The following TMEM131 variants were observed in gnomAD, a reference collection of about 807,000 sequenced individuals.
TMEM131 encodes the protein transmembrane protein 131.
A neutral mutation model predicts 211.6 loss-of-function variants in TMEM131; 66 were observed. The observed-to-expected ratio is 0.31, with a 90% CI of 0.26 to 0.38. The LOEUF (loss-of-function observed/expected upper bound fraction) is 0.38. TMEM131 is among the 10% of genes least tolerant of loss of function. The pLI is 1.00. For missense variants in TMEM131, 2,036 were observed against 2,299.3 expected, an observed-to-expected ratio of 0.89 and a Z score of 2.34; for synonymous variants, 844 against 841.3, an observed-to-expected ratio of 1.00 and a Z score of -0.06.
chr2:97,899,452 A>C (rs1675756941), intron 3 of TMEM131, among the ~76,000 whole-genome samples: 1 of 152,184 alleles, frequency 6.6e-6, no homozygotes, highest in African/African-American at 2.4e-5. Flanking sequence ...CAACATCAAG[A>C]GACAAATATA....
chr2:97,807,440 T>TC (rs1341158318), intron 19 of TMEM131, among the ~76,000 whole-genome samples: 1 of 152,160 alleles, frequency 6.6e-6, no homozygotes, highest in African/African-American at 2.4e-5. Context: ...GCCTGGCACC[T>TC]CCCTCTCTTC....
At chr2:97,798,869 C>T (rs1002970661) in intron 25 of TMEM131, among the ~76,000 whole-genome samples, 1 of 152,184 alleles carries the variant, frequency 6.6e-6, no homozygotes, top group Non-Finnish European at 1.5e-5. Flanking sequence ...TTTAAATCAA[C>T]TACTCTGATT....
chr2:97,953,729 C>T (rs550707132), intron 1 of TMEM131, among the ~76,000 whole-genome samples: 3 of 152,248 alleles, frequency 2.0e-5, no homozygotes, highest in Non-Finnish European at 2.9e-5. Context: ...TACCGTGGAC[C>T]ATGCACCAGG....
intron 1 of TMEM131, among the ~76,000 whole-genome samples, chr2:97,946,547 A>G (rs1678053089): frequency 1.3e-5 from 2 of 152,060 alleles, no homozygotes; most frequent in Non-Finnish European, 2.9e-5. Context: ...ACAAAAAACT[A>G]GCTAACTTGA....
intron 1 of TMEM131, among the ~76,000 whole-genome samples, chr2:97,981,540 T>G (rs956866447): frequency 6.6e-6 from 1 of 152,192 alleles, no homozygotes; most frequent in Non-Finnish European, 1.5e-5. Context: ...AGAAATGGTA[T>G]CTCATTTAGG....
intron 2 of TMEM131, among the ~76,000 whole-genome samples, chr2:97,910,138 T>C (rs991404651): frequency 6.6e-6 from 1 of 152,144 alleles, no homozygotes; most frequent in African/African-American, 2.4e-5. Flanking sequence ...TCAACATCAC[T>C]AACCATTAGG....
chr2:97,924,827 C>T (rs949447933), intron 2 of TMEM131, among the ~76,000 whole-genome samples: 70 of 152,258 alleles, frequency 4.6e-4, no homozygotes, highest in African/African-American at 1.5e-3. Flanking sequence ...GGACTCTCAA[C>T]CCCCCTTTAA....
chr2:97,979,541 G>C (rs886510184), intron 1 of TMEM131, among the ~76,000 whole-genome samples: 1 of 152,218 alleles, frequency 6.6e-6, no homozygotes, highest in African/African-American at 2.4e-5. Flanking sequence ...TTTATGTGAT[G>C]AAACTGTCTT....
intron 5 of TMEM131, among the ~76,000 whole-genome samples, chr2:97,856,487 T>C (rs1477865682): frequency 6.6e-6 from 1 of 152,154 alleles, no homozygotes. Flanking sequence ...TGAACAATAA[T>C]TAAAAAATAG....
chr2:97,857,587 C>T (rs1675171813), intron 5 of TMEM131, among the ~76,000 whole-genome samples: 1 of 152,172 alleles, frequency 6.6e-6, no homozygotes, highest in Non-Finnish European at 1.5e-5. Flanking sequence ...TTTTACTTCA[C>T]AATTTTGCCC....
chr2:97,951,708 C>A (rs1573606729), intron 1 of TMEM131, among the ~76,000 whole-genome samples: 1 of 152,136 alleles, frequency 6.6e-6, no homozygotes, highest in Non-Finnish European at 1.5e-5. Flanking sequence ...CACAAACACG[C>A]ATACACACCA....
At chr2:97,954,137 G>A (rs1573610276) in intron 1 of TMEM131, among the ~76,000 whole-genome samples, 1 of 152,022 alleles carries the variant, frequency 6.6e-6, no homozygotes, top group Non-Finnish European at 1.5e-5. Context: ...TAAATTCAAA[G>A]CAAGTAGAAT....
rs548751606 is a variant in TMEM131, at chr2:97,964,736, G to A, written c.187+30740C>T. 6.6e-4 allele frequency among the ~76,000 whole-genome samples: 101 copies of A among 152,270 alleles called. 2 individuals carry two copies. The South Asian group carries it at 0.016, about 25-fold the overall frequency. On this transcript the variant is annotated intron_variant, in intron 1 of 40. Transcript: ENST00000186436. ...ATCCTGACACTGTACTATGCAATCT[G>A]CATGCACTATTCTTATTTAATTCCA...
chr2:97,768,613 C>CA (rs986784006), intron 33 of TMEM131, among the ~76,000 whole-genome samples: 122 of 152,194 alleles, frequency 8.0e-4, no homozygotes, highest in African/African-American at 2.9e-3. Context: ...TTTTTTGAGA[C>CA]AGAGTCTCAC....
At chr2:97,967,973 A>AGG (rs1679131057) in intron 1 of TMEM131, among the ~76,000 whole-genome samples, 1 of 151,932 alleles carries the variant, frequency 6.6e-6, no homozygotes, top group African/African-American at 2.4e-5. Flanking sequence ...ACACATAACA[A>AGG]GGCTATAATG....
intron 1 of TMEM131, among the ~76,000 whole-genome samples, chr2:97,990,566 G>T (rs1474461964): frequency 6.6e-6 from 1 of 152,150 alleles, no homozygotes; most frequent in African/African-American, 2.4e-5. Flanking sequence ...CTCTAGATTA[G>T]GGTTTTATGA....
At chr2:97,941,166 A>G (rs1195676477) in intron 1 of TMEM131, among the ~76,000 whole-genome samples, 1 of 152,204 alleles carries the variant, frequency 6.6e-6, no homozygotes, top group African/African-American at 2.4e-5. Context: ...CAGAAATAAT[A>G]CAACACATCT....
At chr2:97,910,858 T>C (rs1676263752) in intron 2 of TMEM131, among the ~76,000 whole-genome samples, 1 of 152,170 alleles carries the variant, frequency 6.6e-6, no homozygotes, top group African/African-American at 2.4e-5. Flanking sequence ...TGTAGTATAG[T>C]TTGAAGCCAA....
intron 1 of TMEM131, among the ~76,000 whole-genome samples, chr2:97,990,791 T>C (rs749071950): frequency 1.1e-4 from 16 of 152,214 alleles, no homozygotes; most frequent in Non-Finnish European, 2.1e-4. Context: ...AAAAGTCCTA[T>C]GCACTTTTTT....
Sources: gnomAD v4.1 joint callset for allele counts (sites outside exome capture counted in the v4.1 genomes callset) on GRCh38, gnomAD v4.1.1 for gene constraint, MANE v1.5 for transcripts, NCBI Gene and HGNC (gene_info 2026-07-23, HGNC 2026-07-21) for gene names.